The following HSD17B12 variants were observed in gnomAD, a reference collection of about 807,000 sequenced individuals.
HSD17B12 encodes very-long-chain 3-oxoacyl-CoA reductase.
A neutral mutation model predicts 39.3 loss-of-function variants in HSD17B12; 32 were observed. The observed-to-expected ratio is 0.81, with a 90% CI of 0.61 to 1.09. The LOEUF is 1.09. Among genes scored for constraint, HSD17B12 ranks in the 50% least tolerant of loss-of-function variants. HSD17B12 has a pLI of 0.00. For missense variants in HSD17B12, 342 were observed against 382.9 expected (o/e 0.89, Z 0.89); for synonymous variants, 150 against 146.7 (o/e 1.02, Z -0.16).
chr11:43,821,687 G>A (rs1332970062), intron 6 of HSD17B12, among the ~76,000 whole-genome samples: 3 of 152,196 alleles, frequency 2.0e-5, no homozygotes, highest in African/African-American at 7.2e-5. Flanking sequence ...AATGGGAGAA[G>A]TGCCGCGTCT....
In HSD17B12 at chr11:43,824,290, T is replaced by G. The variant is rs148195974; in HGVS notation, c.502-6686T>G. 3.9e-3 allele frequency among the ~76,000 whole-genome samples: 590 copies of G among 152,294 alleles called. 7 individuals carry two copies. Among genetic ancestry groups the G allele is most frequent in the African/African-American group, 0.014 (562 of 41,560 alleles). On this transcript the variant is annotated intron_variant, in intron 6 of 10. Coordinates refer to ENST00000278353, the MANE Select transcript of HSD17B12 (RefSeq NM_016142.3). ...TTCTTCTGTTCCAGGTGACTCCAAGTGTTCAATGTACTCAAACAGAATAAC... is the reference window on the plus strand; with the variant it reads ...TTCTTCTGTTCCAGGTGACTCCAAGGGTTCAATGTACTCAAACAGAATAAC...
chr11:43,586,799 AT>A, the HSD17B12 span, among the ~76,000 whole-genome samples: 3 of 152,248 alleles, frequency 2.0e-5, no homozygotes, highest in Admixed American at 2.0e-4. Flanking sequence ...TCTTCAGAAC[AT>A]GGGAATAGTA....
At chr11:43,627,327 G>A in the HSD17B12 span, among the ~76,000 whole-genome samples, 2 of 151,520 alleles carry the variant, frequency 1.3e-5, no homozygotes, top group Non-Finnish European at 3.0e-5. Context: ...GGATGATTAG[G>A]TAAAAAATTT....
intron 3 of HSD17B12, among the ~76,000 whole-genome samples, chr11:43,784,504 C>T (rs1287604837): frequency 6.6e-6 from 1 of 151,744 alleles, no homozygotes. Context: ...CCTTATTCCC[C>T]CCTTGGAGAA....
At chr11:43,611,911 C>T in the HSD17B12 span, among the ~76,000 whole-genome samples, 1 of 152,190 alleles carries the variant, frequency 6.6e-6, no homozygotes, top group Non-Finnish European at 1.5e-5. Context: ...TCATTGTATA[C>T]TGACTCTGAG....
chr11:43,831,761 A>T lies in HSD17B12; in HGVS notation c.536+751A>T, dbSNP rs1307611886. Among the ~76,000 whole-genome samples, 1 of 152,200 alleles carries T rather than the reference A, an allele frequency of 6.6e-6. No homozygotes were observed. The highest frequency in any genetic ancestry group is 1.5e-5 in the Non-Finnish European group (1 of 68,036). On this transcript the variant is annotated intron_variant, in intron 7 of 10. Transcript: ENST00000278353. The surrounding 1 kb of genome is among the most constrained non-coding windows in gnomAD (Gnocchi z 4.1). Reference sequence around the variant, plus strand: ...ATCGTAGTCATCTTTTTTTCTGCAAAATAACTATGAGTTTGGAAGAGACCC... The same window carrying T: ...ATCGTAGTCATCTTTTTTTCTGCAATATAACTATGAGTTTGGAAGAGACCC...
In HSD17B12 at chr11:43,740,228, A is replaced by G. The variant is rs150118830; in HGVS notation, c.161-10683A>G. 2.3e-3 allele frequency among the ~76,000 whole-genome samples: 353 copies of G among 152,326 alleles called. 1 individual carries two copies. The highest frequency in any genetic ancestry group is 8.1e-3 in the African/African-American group (337 of 41,574). On this transcript the variant is annotated intron_variant, in intron 1 of 10. Transcript: ENST00000278353. ...AGCATGAATTGAGTGAGGAGGGATG[A>G]AAGATTCCTCGTACAAGTCCTTGTG...
At chr11:43,581,273 G>T in the HSD17B12 span, 2 of 458,260 alleles carry the variant, frequency 4.4e-6, no homozygotes, top group East Asian at 7.0e-5. The surrounding 1 kb of genome is among the most constrained non-coding windows in gnomAD (Gnocchi z 4.9). Flanking sequence ...GGCGGGCAGC[G>T]CGCGGAGTGG....
At chr11:43,617,057 T>A in the HSD17B12 span, among the ~76,000 whole-genome samples, 2 of 151,616 alleles carry the variant, frequency 1.3e-5, no homozygotes, top group Non-Finnish European at 2.9e-5. Flanking sequence ...TTGGTGCTGG[T>A]GAGAGATACT....
intron 3 of HSD17B12, among the ~76,000 whole-genome samples, chr11:43,758,779 C>T (rs1950533130): frequency 6.6e-6 from 1 of 152,168 alleles, no homozygotes; most frequent in Admixed American, 6.5e-5. Flanking sequence ...CATTTGGTCC[C>T]TCAAGGCACT....
the HSD17B12 span, among the ~76,000 whole-genome samples, chr11:43,667,752 A>C: frequency 3.9e-5 from 6 of 152,218 alleles, no homozygotes; most frequent in Non-Finnish European, 7.3e-5. Flanking sequence ...TGTGTTAAGC[A>C]CTAATATGTG....
At chr11:43,747,669 C>G (rs1950424672) in intron 1 of HSD17B12, among the ~76,000 whole-genome samples, 1 of 152,208 alleles carries the variant, frequency 6.6e-6, no homozygotes, top group African/African-American at 2.4e-5. Context: ...CCACCAGCTA[C>G]TCTTCGATAA....
intron 3 of HSD17B12, among the ~76,000 whole-genome samples, chr11:43,774,559 T>C (rs1950680704): frequency 6.6e-6 from 1 of 152,214 alleles, no homozygotes; most frequent in Non-Finnish European, 1.5e-5. Flanking sequence ...GAAAGAAAAC[T>C]GAGGGTCCAA....
At chr11:43,840,775 T>C (rs9971535) in intron 9 of HSD17B12, among the ~76,000 whole-genome samples, 99,674 of 152,082 alleles carry the variant, frequency 0.66, 33,006 homozygotes, top group East Asian at 0.76. Flanking sequence ...ATTTACATGT[T>C]AGTGGGCATC....
chr11:43,772,982 G>A (rs963998114), intron 3 of HSD17B12, among the ~76,000 whole-genome samples: 9 of 152,034 alleles, frequency 5.9e-5, no homozygotes, highest in African/African-American at 1.7e-4. Context: ...GCGGTGGCAC[G>A]TGCTTATAGT....
At chr11:43,840,473 C>T (rs929820779) in intron 9 of HSD17B12, among the ~76,000 whole-genome samples, 4 of 151,938 alleles carry the variant, frequency 2.6e-5, no homozygotes, top group Non-Finnish European at 5.9e-5. Context: ...CCATTGTCAC[C>T]GTCCATCTCC....
chr11:43,690,387 TATATATATATATA>T lies in HSD17B12; in HGVS notation c.160+9401_160+9413del, dbSNP rs1228067490. On this transcript the variant is annotated intron_variant, in intron 1 of 10. Transcript: ENST00000278353. The stretch of plus-strand genomic sequence containing the variant: ...ATATATATATATATATATATATATA[TATATATATATATA>T]TATATTTTTTTTTTTTTTTTTCTGA... Among the ~76,000 whole-genome samples, 53 of 19,284 alleles carry T rather than the reference TATATATATATATA, an allele frequency of 2.7e-3. 3 individuals carry two copies. The highest frequency in any genetic ancestry group is 6.3e-3 in the African/African-American group (33 of 5,224). 12.7% of individuals were successfully genotyped at this position (19,284 alleles called of 152,430 possible). A position where few individuals can be genotyped will look rare whatever the true frequency, so the allele number is the denominator to read the frequency against.
rs554017968 is a variant in HSD17B12 at position 43,709,233 on chromosome 11, C to A, written c.160+28246C>A. On this transcript the variant is annotated intron_variant, in intron 1 of 10. Coordinates refer to ENST00000278353, the MANE Select transcript of HSD17B12 (RefSeq NM_016142.3). ...CTCTGCCTCCCAGGTTCAAGTGATT[C>A]TCCTGCCTCAGCCTCCCGAGTAGCG... is the stretch of plus-strand genomic sequence containing the variant. Among the ~76,000 whole-genome samples the A allele has an allele frequency of 2.6e-5, 4 of 152,336 alleles. No individual in the cohort carries two copies. The East Asian group carries it at 7.7e-4, about 29-fold the overall frequency.
rs4755743 is a variant in HSD17B12, at chr11:43,792,226, T to A, written c.284-6094T>A. Reference sequence around the variant, plus strand: ...GGAAGTGGAGAGAAATTGGTTAGGGTACTTTGTTTTTCTTTTCCCCTTAAA... The same window carrying A: ...GGAAGTGGAGAGAAATTGGTTAGGGAACTTTGTTTTTCTTTTCCCCTTAAA... On this transcript the variant is annotated intron_variant, in intron 3 of 10. Transcript: ENST00000278353. Among the ~76,000 whole-genome samples, 4 of 152,148 alleles carry A rather than the reference T, an allele frequency of 2.6e-5. No individual in the cohort carries two copies. In the East Asian group the frequency reaches 7.7e-4, roughly 29 times the overall value.
Sources: allele counts gnomAD v4.1 joint callset (sites outside exome capture counted in the v4.1 genomes callset), GRCh38; gene constraint gnomAD v4.1.1; non-coding constraint Gnocchi (gnomAD v3.1); transcripts MANE v1.5; gene names NCBI Gene and HGNC (gene_info 2026-07-23, HGNC 2026-07-21).